Variants in VPS13B observed in about 807,000 individuals in gnomAD.
The protein encoded by VPS13B is vacuolar protein sorting 13 homolog B.
VPS13B carries 285 observed loss-of-function variants against 426.4 expected under a neutral mutation model. The ratio of observed to expected loss-of-function variants is 0.67; its 90% CI spans 0.61 to 0.74. The LOEUF (loss-of-function observed/expected upper bound fraction) is 0.74. Among genes scored for constraint, VPS13B ranks in the 30% least tolerant of loss-of-function variants. The pLI, the probability that VPS13B is intolerant of heterozygous loss-of-function variation, is 0.00. For missense variants in VPS13B, 4,537 were observed against 4,782.6 expected, an observed-to-expected ratio of 0.95 and a Z score of 1.51; for synonymous variants, 1,676 against 1,676.4, an observed-to-expected ratio of 1.00 and a Z score of 0.01.
At chr8:99,815,083 GA>G (rs1399474941) in intron 44 of VPS13B, among the ~76,000 whole-genome samples, 1 of 148,956 alleles carries the variant, frequency 6.7e-6, no homozygotes, top group Non-Finnish European at 1.5e-5. Flanking sequence ...CCGCACTGAT[GA>G]GGGGGTGTGT....
At chr8:99,411,930 C>A (rs1815689502) in intron 21 of VPS13B, among the ~76,000 whole-genome samples, 1 of 152,074 alleles carries the variant, frequency 6.6e-6, no homozygotes, top group African/African-American at 2.4e-5. Flanking sequence ...GGTACCAGCA[C>A]CATGCTGTTT....
intron 3 of VPS13B, among the ~76,000 whole-genome samples, chr8:99,054,100 A>G (rs1413277299): frequency 6.6e-6 from 1 of 152,120 alleles, no homozygotes; most frequent in Non-Finnish European, 1.5e-5. Flanking sequence ...GGTTGCTTTC[A>G]TCTTTTGGTT....
chr8:99,705,896 C>A (rs1832478044), intron 36 of VPS13B, among the ~76,000 whole-genome samples: 1 of 152,006 alleles, frequency 6.6e-6, no homozygotes. Flanking sequence ...ATCTAATAAG[C>A]AACAAACTTA....
rs1821900498 is a variant in VPS13B at position 99,513,451 on chromosome 8, T to A, written c.4633+1939T>A. The stretch of plus-strand genomic sequence containing the variant: ...CAGGGAGAATCTCTATGAAAAAAGC[T>A]GAGGAAATAGTGAGAGGCTATAGAG... On this transcript the variant is annotated intron_variant, in intron 29 of 61. Transcript: ENST00000357162. 2.0e-5 allele frequency among the ~76,000 whole-genome samples: 3 copies of A among 152,062 alleles called. No homozygotes were observed. In the South Asian group the frequency reaches 6.2e-4, roughly 32 times the overall value.
intron 3 of VPS13B, among the ~76,000 whole-genome samples, chr8:99,081,946 G>T (rs1022690778): frequency 3.3e-5 from 5 of 152,154 alleles, no homozygotes; most frequent in Non-Finnish European, 7.3e-5. Flanking sequence ...CTTTATAGCA[G>T]CATGATTTAT....
intron 24 of VPS13B, among the ~76,000 whole-genome samples, chr8:99,470,983 C>G (rs2133522865): frequency 6.6e-6 from 1 of 152,116 alleles, no homozygotes; most frequent in East Asian, 1.9e-4. Flanking sequence ...TTAGAAACCA[C>G]AGGAGACAGA....
intron 17 of VPS13B, among the ~76,000 whole-genome samples, chr8:99,201,651 T>C (rs1814334349): frequency 6.6e-6 from 1 of 152,158 alleles, no homozygotes; most frequent in Non-Finnish European, 1.5e-5. Flanking sequence ...TCCTCAGCTC[T>C]TGCAAAAATC....
At chr8:99,553,981 G>A (rs1209012026) in intron 30 of VPS13B, among the ~76,000 whole-genome samples, 2 of 151,724 alleles carry the variant, frequency 1.3e-5, no homozygotes, top group African/African-American at 4.8e-5. Flanking sequence ...GAACCTGTGG[G>A]AAATAATTGA....
At chr8:99,600,347 A>G (rs1356802122) in intron 33 of VPS13B, among the ~76,000 whole-genome samples, 2 of 152,124 alleles carry the variant, frequency 1.3e-5, no homozygotes, top group African/African-American at 4.8e-5. Context: ...TCTCTCACAT[A>G]CACACCCCAC....
intron 3 of VPS13B, among the ~76,000 whole-genome samples, chr8:99,055,033 G>GTTTTTT (rs775826222): frequency 1.0e-4 from 11 of 109,354 alleles, no homozygotes; most frequent in Non-Finnish European, 1.7e-4. Context: ...TTGTATTTCT[G>GTTTTTT]TTTTTTTTTT....
chr8:99,218,333 T>A lies in VPS13B; in HGVS notation c.2515+25276T>A, dbSNP rs140227313. Among the ~76,000 whole-genome samples, 927 of 152,348 alleles carry A rather than the reference T, an allele frequency of 6.1e-3. 13 individuals are homozygous for A. The highest frequency in any genetic ancestry group is 0.021 in the African/African-American group (883 of 41,588). ...ATAGAAGAAGTTTGCTGATCCTTGG[T>A]CTGCATAATCTGCACTGTTTTTTCT... On this transcript the variant is annotated intron_variant, in intron 17 of 61. Transcript: ENST00000357162.
intron 23 of VPS13B, among the ~76,000 whole-genome samples, chr8:99,458,606 C>A (rs1009836070): frequency 9.9e-5 from 15 of 152,120 alleles, no homozygotes; most frequent in Non-Finnish European, 1.9e-4. Context: ...TTAATGATTG[C>A]CATTCTAACT....
intron 19 of VPS13B, among the ~76,000 whole-genome samples, chr8:99,281,824 C>T (rs973544709): frequency 5.3e-5 from 8 of 152,072 alleles, no homozygotes; most frequent in Non-Finnish European, 1.0e-4. Flanking sequence ...TTCTTCTGTT[C>T]CTTAAATGTA....
chr8:99,849,851 AAAAT>A (rs1298611760), intron 55 of VPS13B, among the ~76,000 whole-genome samples: 3 of 152,308 alleles, frequency 2.0e-5, no homozygotes, highest in East Asian at 3.9e-4. Context: ...ATTATAATCT[AAAAT>A]AAAACAAGTA....
In VPS13B at chr8:99,354,251, G is replaced by GC. The variant is rs575394763; in HGVS notation, c.2825-29952dup. Among the ~76,000 whole-genome samples the GC allele has an allele frequency of 8.4e-3, 893 of 106,076 alleles. 60 individuals carry two copies. The Admixed American group carries it at 0.095, about 11-fold the overall frequency. The allele number at this position is 106,076 out of a possible 152,430, so 69.6% of individuals were successfully genotyped here. A position where few individuals can be genotyped will look rare whatever the true frequency, so the allele number is the denominator to read the frequency against. ...AAATCGTTGTGAGCATTCTACTGTA[G>GC]CCCCCTCCCCCTGCCTTTTTTTTTT... On this transcript the variant is annotated intron_variant, in intron 19 of 61. Transcript: ENST00000357162.
At chr8:99,845,009 A>G (rs950918124) in intron 54 of VPS13B, among the ~76,000 whole-genome samples, 19 of 152,166 alleles carry the variant, frequency 1.2e-4, no homozygotes, top group African/African-American at 4.6e-4. Flanking sequence ...TATGAAGTTT[A>G]TGATCTACCT....
intron 55 of VPS13B, among the ~76,000 whole-genome samples, chr8:99,852,839 A>T (rs1173324126): frequency 6.6e-6 from 1 of 152,140 alleles, no homozygotes; most frequent in African/African-American, 2.4e-5. Flanking sequence ...AGATGACAGC[A>T]TGTTTACAAG....
In VPS13B at chr8:99,853,968, A is replaced by C. The variant is rs1816423653; in HGVS notation, c.10579A>C (p.Ser3527Arg). ...TTTGTTTGACACCTACCTTCCTAAC[A>C]GCAGGTTGGCTGGTCACTCCACACA... ...KTLFDTYLPN[S>R]RLAGHSTHLS... Residue 3527 changes from serine to arginine, a missense_variant, in exon 56 of 62, where the codon AGC (serine) becomes CGC (arginine). Physicochemically the swap from Ser to Arg is moderately radical, Grantham distance 110. Transcript: ENST00000357162. The C allele has an allele frequency of 6.2e-7, 1 of 1,614,232 alleles. No homozygotes were observed. Among genetic ancestry groups the C allele is most frequent in the Non-Finnish European group, 8.5e-7 (1 of 1,180,032 alleles).
intron 28 of VPS13B, among the ~76,000 whole-genome samples, chr8:99,508,397 T>C (rs1821615180): frequency 6.6e-6 from 1 of 152,218 alleles, no homozygotes; most frequent in Admixed American, 6.5e-5. Context: ...TTTTAGACGT[T>C]TAGAACCTTG....
Sources: gnomAD v4.1 joint callset for allele counts (sites outside exome capture counted in the v4.1 genomes callset) on GRCh38, gnomAD v4.1.1 for gene constraint, MANE v1.5 for transcripts, NCBI Gene and HGNC (gene_info 2026-07-23, HGNC 2026-07-21) for gene names.